Variants in ARHGAP28 observed in about 807,000 individuals in gnomAD.
The protein encoded by ARHGAP28 is Rho GTPase activating protein 28.
A neutral mutation model predicts 90.7 loss-of-function variants in ARHGAP28; 56 were observed. That is an observed-to-expected ratio of 0.62 (90% confidence interval 0.50 to 0.77). The LOEUF (loss-of-function observed/expected upper bound fraction) is 0.77, where lower values mean the gene tolerates loss of function less well. ARHGAP28 is among the 30% of genes least tolerant of loss of function. ARHGAP28 has a pLI of 0.00. For synonymous variants in ARHGAP28, 308 were observed against 323.3 expected, an observed-to-expected ratio of 0.95 and a Z score of 0.51; for missense variants, 869 against 900.9, an observed-to-expected ratio of 0.96 and a Z score of 0.45.
chr18:6,797,625 G>A (rs1307124843), intron 1 of ARHGAP28, among the ~76,000 whole-genome samples: 1 of 151,740 alleles, frequency 6.6e-6, no homozygotes, highest in Non-Finnish European at 1.5e-5. Context: ...AGGGGAACTA[G>A]AGAACAGTGA....
At chr18:6,844,526 T>C (rs1400271741) in intron 3 of ARHGAP28, among the ~76,000 whole-genome samples, 2 of 152,218 alleles carry the variant, frequency 1.3e-5, no homozygotes, top group African/African-American at 4.8e-5. Flanking sequence ...TATGGTTATC[T>C]CCACAAATCT....
At chr18:6,859,943 A>G (rs1311896039) in intron 5 of ARHGAP28, 46 bp downstream of exon 5, 1 of 1,509,434 alleles carries the variant, frequency 6.6e-7, no homozygotes, top group Non-Finnish European at 9.2e-7. Context: ...GTACAGTTGC[A>G]AGTCAAAGCA....
At chr18:6,853,000 A>T (rs761721857) in intron 4 of ARHGAP28, among the ~76,000 whole-genome samples, 5 of 152,088 alleles carry the variant, frequency 3.3e-5, no homozygotes, top group African/African-American at 4.8e-5. Flanking sequence ...CCATGGGGTG[A>T]TGCCAGGGCT....
intron 1 of ARHGAP28, among the ~76,000 whole-genome samples, chr18:6,739,580 C>T (rs992947186): frequency 2.0e-5 from 3 of 150,202 alleles, no homozygotes; most frequent in Non-Finnish European, 4.4e-5. Flanking sequence ...TTATTTAAGA[C>T]TATATTTAAC....
intron 1 of ARHGAP28, among the ~76,000 whole-genome samples, chr18:6,769,723 T>C (rs907868418): frequency 6.6e-6 from 1 of 152,222 alleles, no homozygotes; most frequent in South Asian, 2.1e-4. Context: ...TTCTGTCTTA[T>C]ACTGCACACT....
intron 1 of ARHGAP28, among the ~76,000 whole-genome samples, chr18:6,764,286 A>G (rs2056183878): frequency 6.6e-6 from 1 of 152,230 alleles, no homozygotes; most frequent in Admixed American, 6.5e-5. Flanking sequence ...CAAAGGAAAT[A>G]TTAGCATATC....
intron 11 of ARHGAP28, among the ~76,000 whole-genome samples, chr18:6,885,823 C>A (rs1246051348): frequency 4.1e-5 from 5 of 121,640 alleles, no homozygotes; most frequent in Non-Finnish European, 8.5e-5. Context: ...TTTTTAATTG[C>A]GTTGGAAGAT....
At chr18:6,816,684 A>G (rs541773126) in intron 1 of ARHGAP28, among the ~76,000 whole-genome samples, 1 of 152,150 alleles carries the variant, frequency 6.6e-6, no homozygotes, top group South Asian at 2.1e-4. Context: ...TTCCCTGTAC[A>G]TGTAGGTGGG....
intron 1 of ARHGAP28, among the ~76,000 whole-genome samples, chr18:6,755,067 G>A (rs1355224510): frequency 6.6e-6 from 1 of 152,112 alleles, no homozygotes; most frequent in Admixed American, 6.5e-5. Flanking sequence ...CAGCTACTTG[G>A]GAAGCTGAGG....
intron 1 of ARHGAP28, among the ~76,000 whole-genome samples, chr18:6,786,275 T>G (rs2056363963): frequency 6.6e-6 from 1 of 152,184 alleles, no homozygotes; most frequent in East Asian, 1.9e-4. Context: ...ATTTTTCCTT[T>G]TCTTTAGTTT....
intron 1 of ARHGAP28, among the ~76,000 whole-genome samples, chr18:6,809,920 A>T (rs2056544640): frequency 6.6e-6 from 1 of 152,186 alleles, no homozygotes; most frequent in Non-Finnish European, 1.5e-5. Context: ...CTCAATAAAC[A>T]GTTGTTAAAC....
intron 2 of ARHGAP28, among the ~76,000 whole-genome samples, chr18:6,827,352 G>T: frequency 6.7e-6 from 1 of 149,444 alleles, no homozygotes; most frequent in Admixed American, 6.6e-5. Flanking sequence ...CGGGGCGGCT[G>T]GCTGGGCGGA....
At chr18:6,735,599 G>A (rs1244404216) in intron 1 of ARHGAP28, among the ~76,000 whole-genome samples, 1 of 150,538 alleles carries the variant, frequency 6.6e-6, no homozygotes, top group Non-Finnish European at 1.5e-5. Flanking sequence ...CTGTCATCCA[G>A]GCTGGAGTGT....
chr18:6,786,201 A>T (rs1029706373), intron 1 of ARHGAP28, among the ~76,000 whole-genome samples: 2 of 152,218 alleles, frequency 1.3e-5, no homozygotes, highest in Admixed American at 1.3e-4. Context: ...CTAAACTGCA[A>T]CTAGACATTA....
At chr18:6,738,683 C>G (rs2055949270) in intron 1 of ARHGAP28, among the ~76,000 whole-genome samples, 1 of 152,090 alleles carries the variant, frequency 6.6e-6, no homozygotes, top group Admixed American at 6.6e-5. Context: ...ACCCTCACTA[C>G]AACACAAAAA....
intron 1 of ARHGAP28, among the ~76,000 whole-genome samples, chr18:6,758,472 C>T (rs563259283): frequency 3.2e-4 from 49 of 152,234 alleles, no homozygotes; most frequent in African/African-American, 1.2e-3. Context: ...TGCAAGCACG[C>T]ACCACTAAGC....
At chr18:6,805,016 G>C (rs1414281861) in intron 1 of ARHGAP28, among the ~76,000 whole-genome samples, 35 of 152,134 alleles carry the variant, frequency 2.3e-4, no homozygotes, top group Admixed American at 2.3e-3. Context: ...TTAGAGACAT[G>C]GCCTTGCTAT....
At chr18:6,850,544 T>C (rs8088512) in intron 3 of ARHGAP28, among the ~76,000 whole-genome samples, 6,481 of 152,292 alleles carry the variant, frequency 0.043, 439 homozygotes, top group African/African-American at 0.15. Flanking sequence ...TATGGGCCAA[T>C]TGTTAATACC....
chr18:6,739,023 A>G (rs1269460318), intron 1 of ARHGAP28, among the ~76,000 whole-genome samples: 1 of 152,238 alleles, frequency 6.6e-6, no homozygotes, highest in East Asian at 1.9e-4. Flanking sequence ...AAAGCTTGAC[A>G]TACATTACCC....
Sources: allele counts gnomAD v4.1 joint callset (sites outside exome capture counted in the v4.1 genomes callset), GRCh38; gene constraint gnomAD v4.1.1; transcripts MANE v1.5; gene names NCBI Gene and HGNC (gene_info 2026-07-23, HGNC 2026-07-21).